PHF6: variants seen among roughly 807,000 people sequenced by gnomAD.
PHF6 encodes PHD finger protein 6, also known as PHD-like zinc finger protein.
A neutral mutation model predicts 34.0 loss-of-function variants in PHF6; 7 were observed. The ratio of observed to expected loss-of-function variants is 0.21; its 90% CI spans 0.12 to 0.39. PHF6 has a LOEUF of 0.39. PHF6 is among the 10% of genes least tolerant of loss of function. The pLI is 1.00. For synonymous variants in PHF6, 89 were observed against 88.4 expected (o/e 1.01, Z -0.04); for missense variants, 128 against 262.8 (o/e 0.49, Z 3.55).
intron 5 of PHF6, among the ~76,000 whole-genome samples, chrX:134,394,739 C>T (rs1361441575): frequency 1.8e-5 from 2 of 110,339 alleles, no homozygotes; most frequent in African/African-American, 6.6e-5. Context: ...TGGGGTTTCA[C>T]CGTGTTAGCC....
At chrX:134,411,377 A>G (rs1303944055) in intron 5 of PHF6, among the ~76,000 whole-genome samples, 1 of 111,548 alleles carries the variant, frequency 9.0e-6, no homozygotes, top group Non-Finnish European at 1.9e-5. Flanking sequence ...ATGATTTCAT[A>G]TTTAGAACAA....
At chrX:134,410,870 C>T (rs757611802) in intron 5 of PHF6, among the ~76,000 whole-genome samples, 11 of 108,002 alleles carry the variant, frequency 1.0e-4, no homozygotes, top group African/African-American at 3.4e-4. Flanking sequence ...AGGCTGGTCT[C>T]GAACTCGTGA....
chrX:134,407,966 C>A (rs189034721), intron 5 of PHF6, among the ~76,000 whole-genome samples: 1 of 112,021 alleles, frequency 8.9e-6, no homozygotes, highest in Admixed American at 9.5e-5. Flanking sequence ...CTCGCTCTGT[C>A]TCCCAGGCTG....
chrX:134,389,286 C>CT (rs2077343886), intron 3 of PHF6, among the ~76,000 whole-genome samples: 1 of 111,049 alleles, frequency 9.0e-6, no homozygotes, highest in South Asian at 3.8e-4. Context: ...TGGGGCAGGC[C>CT]TTTTTTGCGG....
chrX:134,405,676 G>A (rs1260018218), intron 5 of PHF6, among the ~76,000 whole-genome samples: 1 of 110,388 alleles, frequency 9.1e-6, no homozygotes, highest in Non-Finnish European at 1.9e-5. Flanking sequence ...TCTTCATTTG[G>A]ATTATTTCGA....
intron 5 of PHF6, among the ~76,000 whole-genome samples, chrX:134,408,073 A>G (rs1465537145): frequency 9.0e-6 from 1 of 111,580 alleles, no homozygotes; most frequent in Non-Finnish European, 1.9e-5. Flanking sequence ...GATTGCAGGC[A>G]TGTACCACCA....
chrX:134,394,324 G>A (rs2077367448), intron 5 of PHF6, among the ~76,000 whole-genome samples: 1 of 109,957 alleles, frequency 9.1e-6, no homozygotes, highest in Non-Finnish European at 1.9e-5. Context: ...AATAGAGATG[G>A]GGTTTCACTG....
At chrX:134,393,884 T>C in intron 4 of PHF6, 25 bp from the exon 5 acceptor site, 1 of 1,194,313 alleles carries the variant, frequency 8.4e-7, no homozygotes, top group African/African-American at 1.7e-5. Flanking sequence ...TGCTTACTAA[T>C]TTTTGATTTC....
At position 134,417,564 on chromosome X, in the gene PHF6, A is replaced by C; in HGVS notation, c.968+262A>C. 1.0e-5 allele frequency: 3 copies of C among 289,343 alleles called. No individual in the cohort carries two copies. In the Middle Eastern group the frequency reaches 3.3e-3, roughly 320 times the overall value. 23.8% of individuals were successfully genotyped at this position (289,343 alleles called of 1,213,427 possible). A position where few individuals can be genotyped will look rare whatever the true frequency, so the allele number is the denominator to read the frequency against. ...AAGCTGGGCATATGCCAGTGATCAAAACTACATACACTGGGCCGGGTGCGG... is the reference window on the plus strand; with the variant it reads ...AAGCTGGGCATATGCCAGTGATCAACACTACATACACTGGGCCGGGTGCGG... On this transcript the variant is annotated intron_variant, in intron 9 of 10. Transcript: ENST00000370803.
intron 3 of PHF6, among the ~76,000 whole-genome samples, chrX:134,384,362 G>A (rs2067533374): frequency 1.8e-5 from 2 of 111,659 alleles, no homozygotes; most frequent in South Asian, 7.6e-4. Context: ...GAAGGGATGG[G>A]GAAGGGTAAA....
In PHF6 at chrX:134,415,256, A is replaced by G. The variant is rs1569343640; in HGVS notation, c.834+136A>G. On this transcript the variant is annotated intron_variant, in intron 8 of 10. Transcript: ENST00000370803. ...TTAAAGCAAAGTATATATTTGACTT[A>G]TTTGTAATATAATAAAGGATGCTGA... is the stretch of plus-strand genomic sequence containing the variant. 7.7e-6 allele frequency: 8 copies of G among 1,043,875 alleles called. No individual in the cohort carries two copies. The East Asian group carries it at 2.1e-4, about 28-fold the overall frequency. The allele number at this position is 1,043,875 out of a possible 1,213,427, so 86.0% of individuals were successfully genotyped here.
chrX:134,400,906 T>G (rs1314810977), intron 5 of PHF6, among the ~76,000 whole-genome samples: 1 of 111,121 alleles, frequency 9.0e-6, no homozygotes. Context: ...ATATGGGAGT[T>G]TAGGATATTT....
chrX:134,417,587 C>T (rs944024855), intron 9 of PHF6: 11 of 222,071 alleles, frequency 5.0e-5, no homozygotes, highest in Non-Finnish European at 6.6e-5. Flanking sequence ...GGGCCGGGTG[C>T]GGTGGCTCAC....
At chrX:134,386,260 C>CT (rs1281947089) in intron 3 of PHF6, among the ~76,000 whole-genome samples, 4 of 111,622 alleles carry the variant, frequency 3.6e-5, no homozygotes, top group African/African-American at 1.3e-4. Context: ...TGCCACTTTG[C>CT]TTTCTGCAAT....
At chrX:134,390,789 T>C (rs975050222) in intron 3 of PHF6, among the ~76,000 whole-genome samples, 2 of 111,189 alleles carry the variant, frequency 1.8e-5, no homozygotes, top group Non-Finnish European at 3.8e-5. Flanking sequence ...ATCTATGTTA[T>C]AAACATAGTT....
chrX:134,401,620 A>G (rs1173754993), intron 5 of PHF6, among the ~76,000 whole-genome samples: 1 of 112,124 alleles, frequency 8.9e-6, no homozygotes, highest in Non-Finnish European at 1.9e-5. Flanking sequence ...TGAAGGGTAT[A>G]CAGGAATTTT....
rs144233108 is a variant in PHF6, at chrX:134,407,494, G to C, written c.419-5997G>C. 3.6e-5 allele frequency among the ~76,000 whole-genome samples: 4 copies of C among 112,321 alleles called. No homozygotes were observed. The East Asian group carries it at 1.1e-3, about 31-fold the overall frequency. On this transcript the variant is annotated intron_variant, in intron 5 of 10. Transcript: ENST00000370803. ...GATTACTATTAGCTCTTATATGGAA[G>C]GAGGTAAATTCCTATATACTGACAT... is the stretch of plus-strand genomic sequence containing the variant.
chrX:134,374,118 G>A (rs139931930), intron 1 of PHF6, among the ~76,000 whole-genome samples: 4 of 111,354 alleles, frequency 3.6e-5, no homozygotes, highest in East Asian at 5.7e-4. Flanking sequence ...TGGGAGTCTA[G>A]TGTGTATTGG....
intron 8 of PHF6, 149 bp downstream of exon 8, chrX:134,415,269 T>G (rs200895805): frequency 4.2e-6 from 4 of 962,254 alleles, no homozygotes; most frequent in Non-Finnish European, 5.9e-6. Flanking sequence ...TGTAATATAA[T>G]AAAGGATGCT....
Sources: gnomAD v4.1 joint callset for allele counts (sites outside exome capture counted in the v4.1 genomes callset) on GRCh38, gnomAD v4.1.1 for gene constraint, MANE v1.5 for transcripts, NCBI Gene and HGNC (gene_info 2026-07-23, HGNC 2026-07-21) for gene names.